SLC12A2: variants seen among roughly 807,000 people sequenced by gnomAD.
The protein encoded by SLC12A2 is solute carrier family 12 member 2, also known as Na-K-2Cl cotransporter 1.
In SLC12A2, 67 loss-of-function variants were observed where a neutral mutation model predicts 136.3. The observed-to-expected ratio is 0.49, with a 90% confidence interval of 0.40 to 0.60. SLC12A2 has a LOEUF of 0.60. Among genes scored for constraint, SLC12A2 ranks in the 20% least tolerant of loss-of-function variants. SLC12A2 has a pLI of 0.00. For missense variants in SLC12A2, 1,322 were observed against 1,534.7 expected, an observed-to-expected ratio of 0.86 and a Z score of 2.32; for synonymous variants, 619 against 562.9, an observed-to-expected ratio of 1.10 and a Z score of -1.41.
At chr5:128,138,082 C>G (rs1762243855) in intron 7 of SLC12A2, among the ~76,000 whole-genome samples, 1 of 151,986 alleles carries the variant, frequency 6.6e-6, no homozygotes, top group Non-Finnish European at 1.5e-5. Flanking sequence ...GGACCACAGG[C>G]ATGTGCCACC....
intron 20 of SLC12A2, among the ~76,000 whole-genome samples, chr5:128,175,148 C>T (rs572243879): frequency 2.0e-5 from 3 of 152,010 alleles, no homozygotes. Context: ...CCAGCTGACA[C>T]GCAACAAGAA....
chr5:128,091,640 C>T (rs1760325515), intron 1 of SLC12A2, among the ~76,000 whole-genome samples: 1 of 152,136 alleles, frequency 6.6e-6, no homozygotes, highest in African/African-American at 2.4e-5. Flanking sequence ...TGTCTTTTTC[C>T]ATTTTCACTA....
At chr5:128,164,847 GT>G (rs35076550) in intron 17 of SLC12A2, among the ~76,000 whole-genome samples, 11,772 of 123,342 alleles carry the variant, frequency 0.095, 939 homozygotes, top group African/African-American at 0.33. Context: ...AAACTGTTTT[GT>G]TTTTTTTTTT....
chr5:128,126,942 A>ATC (rs1761816300), intron 4 of SLC12A2, among the ~76,000 whole-genome samples: 1 of 35,806 alleles, frequency 2.8e-5, no homozygotes, highest in African/African-American at 2.8e-4. Flanking sequence ...CACAACCTAC[A>ATC]TATATATATA....
intron 21 of SLC12A2, among the ~76,000 whole-genome samples, chr5:128,178,191 C>A (rs115373111): frequency 9.9e-5 from 15 of 152,240 alleles, no homozygotes; most frequent in African/African-American, 3.6e-4. Context: ...AATAGTTTCA[C>A]AGAACAGGTA....
At chr5:128,177,337 T>TG (rs1763569842) in intron 21 of SLC12A2, among the ~76,000 whole-genome samples, 185 bp downstream of exon 21, 1 of 152,052 alleles carries the variant, frequency 6.6e-6, no homozygotes, top group Non-Finnish European at 1.5e-5. Flanking sequence ...TCTCAGGAAA[T>TG]GGAGTTATAT....
chr5:128,136,504 C>G (rs1762197227), intron 7 of SLC12A2, among the ~76,000 whole-genome samples: 1 of 152,024 alleles, frequency 6.6e-6, no homozygotes, highest in African/African-American at 2.4e-5. Context: ...TGTTCATAGC[C>G]CTGTCAAACT....
At chr5:128,154,514 A>G (rs1480528390) in intron 15 of SLC12A2, among the ~76,000 whole-genome samples, 3 of 152,168 alleles carry the variant, frequency 2.0e-5, no homozygotes, top group Non-Finnish European at 4.4e-5. Flanking sequence ...AAGGTTTGTC[A>G]TGAAAATCAA....
At chr5:128,100,070 G>A (rs1373978798) in intron 1 of SLC12A2, among the ~76,000 whole-genome samples, 1 of 152,130 alleles carries the variant, frequency 6.6e-6, no homozygotes, top group African/African-American at 2.4e-5. Flanking sequence ...TGTCAGCTTA[G>A]TAGGTTTGTT....
chr5:128,088,940 G>A (rs577234884), intron 1 of SLC12A2, among the ~76,000 whole-genome samples: 40 of 152,136 alleles, frequency 2.6e-4, no homozygotes, highest in African/African-American at 8.4e-4. Flanking sequence ...AGGCCGAGGC[G>A]GGTGGATCAC....
At chr5:128,122,314 T>C (rs1310120743) in intron 4 of SLC12A2, among the ~76,000 whole-genome samples, 2 of 152,230 alleles carry the variant, frequency 1.3e-5, no homozygotes, top group African/African-American at 4.8e-5. Context: ...TTGTTGAGCA[T>C]TTTGTGACAG....
Position 128,131,147 on chromosome 5 carries a change from G to T in SLC12A2, c.1129G>T (p.Ala377Ser), listed in dbSNP as rs1271697920. 6.2e-7 allele frequency: 1 copy of T among 1,613,978 alleles called. No homozygotes were observed. The highest frequency in any genetic ancestry group is 8.5e-7 in the Non-Finnish European group (1 of 1,179,990). ...AIGLIFAFANAVAVAMYVVGF... is the reference protein window; with the variant it reads ...AIGLIFAFANSVAVAMYVVGF... Reference sequence around the variant, plus strand: ...TGGTCTAATCTTCGCCTTTGCCAACGCTGTTGCAGTTGCTATGTATGTGGT... The same window carrying T: ...TGGTCTAATCTTCGCCTTTGCCAACTCTGTTGCAGTTGCTATGTATGTGGT... Residue 377 changes from alanine (A) to serine (S), a missense_variant, in exon 5 of 27, where the codon GCT (alanine) becomes TCT (serine). By Grantham distance (99) the Ala-to-Ser change is moderately conservative. Transcript: ENST00000262461.
chr5:128,167,049 ATATTG>A lies in SLC12A2; in HGVS notation c.2617-707_2617-703del, dbSNP rs996248928. ...AATTTTAAAAATACAATATAACTTT[ATATTG>A]TATTAGCTATTATGAGTAATCTTGA... On this transcript the variant is annotated intron_variant, in intron 17 of 26. Coordinates refer to ENST00000262461, the MANE Select transcript of SLC12A2 (RefSeq NM_001046.3). Among the ~76,000 whole-genome samples, 96 of 152,074 alleles carry A rather than the reference ATATTG, an allele frequency of 6.3e-4. 1 individual carries two copies. Among genetic ancestry groups the A allele is most frequent in the African/African-American group, 2.0e-3 (81 of 41,440 alleles).
At chr5:128,140,527 A>C (rs2126710530) in intron 9 of SLC12A2, among the ~76,000 whole-genome samples, 1 of 152,298 alleles carries the variant, frequency 6.6e-6, no homozygotes, top group Non-Finnish European at 1.5e-5. Context: ...TACAGCAAAT[A>C]TTTTCTATTT....
intron 13 of SLC12A2, among the ~76,000 whole-genome samples, chr5:128,150,659 A>G (rs890768398): frequency 3.3e-5 from 5 of 151,774 alleles, no homozygotes; most frequent in Non-Finnish European, 5.9e-5. Context: ...TGGCTTTGGA[A>G]CTACCTACCA....
intron 1 of SLC12A2, among the ~76,000 whole-genome samples, chr5:128,094,089 A>C (rs1760435073): frequency 6.6e-6 from 1 of 151,892 alleles, no homozygotes; most frequent in Admixed American, 6.6e-5. Context: ...CCTCCAGTCT[A>C]GAACAAACTC....
Position 128,084,093 on chromosome 5 carries a change from G to T in SLC12A2, c.139G>T (p.Ala47Ser). ...TGTGCCCTCGGTGCCGGAGGATGCT[G>T]CGCCCGCGAGCCGGGACGGCGGCGG... is the stretch of plus-strand genomic sequence containing the variant. ...TAVPSVPEDA[A>S]PASRDGGGVR... Residue 47 changes from alanine (A) to serine (S), a missense_variant, in exon 1 of 27, where the codon GCG becomes TCG. Around this residue, in one of 8 missense-constraint regions of SLC12A2, gnomAD observed 358 missense variants for 299.7 expected, o/e 1.19. Coordinates refer to ENST00000262461, the MANE Select transcript of SLC12A2 (RefSeq NM_001046.3). The surrounding 1 kb of genome is among the most constrained non-coding windows in gnomAD (Gnocchi z 5.6). 7.6e-7 allele frequency: 1 copy of T among 1,315,010 alleles called. No homozygotes were observed. Among genetic ancestry groups the T allele is most frequent in the Non-Finnish European group, 9.7e-7 (1 of 1,036,072 alleles). The allele number at this position is 1,315,010 out of a possible 1,614,324, so 81.5% of individuals were successfully genotyped here.
intron 6 of SLC12A2, 80 bp from the exon 7 acceptor site, chr5:128,135,620 G>A (rs1762162624): frequency 1.1e-6 from 1 of 942,688 alleles, no homozygotes; most frequent in Non-Finnish European, 1.7e-6. Context: ...TTTCCCTCAT[G>A]GAAGTTATAT....
At chr5:128,182,565 C>CT (rs200011783) in intron 23 of SLC12A2, among the ~76,000 whole-genome samples, 1,535 of 152,162 alleles carry the variant, frequency 0.01, 11 homozygotes, top group Admixed American at 0.021. Context: ...CTAAAATTAA[C>CT]TTAAGAAACA....
Sources: gnomAD v4.1 joint callset for allele counts (sites outside exome capture counted in the v4.1 genomes callset) on GRCh38, gnomAD v4.1.1 for gene constraint, gnomAD v4.1.1 regional missense constraint, Gnocchi (gnomAD v3.1) non-coding constraint, MANE v1.5 for transcripts, NCBI Gene and HGNC (gene_info 2026-07-23, HGNC 2026-07-21) for gene names.